Variants in REEP3 observed in about 807,000 individuals in gnomAD.
REEP3 encodes the protein receptor accessory protein 3, also known as receptor expression-enhancing protein 3.
In REEP3, 20 loss-of-function variants were observed where a neutral mutation model predicts 41.3. That is an observed-to-expected ratio of 0.48 (90% confidence interval 0.34 to 0.70). The LOEUF (loss-of-function observed/expected upper bound fraction) is 0.70, where lower values mean the gene tolerates loss of function less well. REEP3 is among the 30% of genes least tolerant of loss of function. REEP3 has a pLI of 0.01. For missense variants in REEP3, 271 were observed against 308.8 expected (o/e 0.88, Z 0.92); for synonymous variants, 104 against 101.8 (o/e 1.02, Z -0.13).
chr10:63,570,354 C>T lies in REEP3; in HGVS notation c.105+3944C>T, dbSNP rs376645560. Among the ~76,000 whole-genome samples, 22 of 152,310 alleles carry T rather than the reference C, an allele frequency of 1.4e-4. No individual in the cohort carries two copies. In the East Asian group the frequency reaches 3.9e-3, roughly 27 times the overall value. ...AGTTACATAGTGAGCATACATACAG[C>T]TTTGCACAGTTGTTTTCAGAGAATA... On this transcript the variant is annotated intron_variant, in intron 2 of 7. Transcript: ENST00000373758.
At chr10:63,568,899 G>C (rs752299160) in intron 2 of REEP3, among the ~76,000 whole-genome samples, 7 of 151,966 alleles carry the variant, frequency 4.6e-5, no homozygotes, top group Non-Finnish European at 1.0e-4. Context: ...CTGGCCTCAG[G>C]TTATCCACCT....
chr10:63,522,673 G>A (rs1452340373), intron 1 of REEP3, among the ~76,000 whole-genome samples: 2 of 152,166 alleles, frequency 1.3e-5, no homozygotes, highest in Admixed American at 1.3e-4. Flanking sequence ...GTTAAAAGGA[G>A]CTAGATTTTC....
chr10:63,530,192 A>T (rs1955407266), intron 1 of REEP3, among the ~76,000 whole-genome samples: 1 of 152,196 alleles, frequency 6.6e-6, no homozygotes, highest in Non-Finnish European at 1.5e-5. Context: ...CTCATTTTTA[A>T]ATCCTTATGG....
At chr10:63,534,103 T>TA (rs981692509) in intron 1 of REEP3, among the ~76,000 whole-genome samples, 41 of 152,070 alleles carry the variant, frequency 2.7e-4, no homozygotes, top group Admixed American at 1.1e-3. Flanking sequence ...AGAGATATTC[T>TA]AAAAAAAACC....
chr10:63,549,071 C>T (rs1955604235), intron 1 of REEP3, among the ~76,000 whole-genome samples: 1 of 152,046 alleles, frequency 6.6e-6, no homozygotes, highest in Non-Finnish European at 1.5e-5. Flanking sequence ...ACTAAAGCCA[C>T]CTTTCACCTA....
At position 63,521,627 on chromosome 10, in the gene REEP3, T is replaced by C. The variant is rs1160871937; in HGVS notation, c.32+50T>C. 6.8e-6 allele frequency: 9 copies of C among 1,332,280 alleles called. No individual in the cohort carries two copies. The East Asian group carries it at 2.6e-4, about 38-fold the overall frequency. The allele number at this position is 1,332,280 out of a possible 1,614,324, so 82.5% of individuals were successfully genotyped here. On this transcript the variant is annotated intron_variant, in intron 1 of 7. Transcript: ENST00000373758. ...CAGCCGGCGCGAGGCCCAGGGGAGC[T>C]GTGGGAAGGGGAAGGAGCCGAGAGG...
chr10:63,537,599 A>G (rs1460533509), intron 1 of REEP3, among the ~76,000 whole-genome samples: 5 of 152,218 alleles, frequency 3.3e-5, no homozygotes, highest in Non-Finnish European at 7.3e-5. Flanking sequence ...GCAGTGAGTC[A>G]GGACCAAGAT....
intron 1 of REEP3, among the ~76,000 whole-genome samples, chr10:63,529,479 A>G (rs1028751388): frequency 2.6e-5 from 4 of 152,056 alleles, no homozygotes; most frequent in Non-Finnish European, 4.4e-5. Flanking sequence ...TATTTTAGAG[A>G]CAGGGTTTCA....
chr10:63,624,068 C>T lies in REEP3; in HGVS notation c.*3199C>T, dbSNP rs865940272. On this transcript the variant is annotated 3_prime_UTR_variant, in exon 8 of 8. Coordinates refer to ENST00000373758, the MANE Select transcript of REEP3 (RefSeq NM_001001330.3). The stretch of plus-strand genomic sequence containing the variant: ...TTAAGAAATATATAATGATATCTTA[C>T]ATTAAGCATGAGTCTAATTTGTATT... The T allele has an allele frequency of 2.6e-5, 4 of 151,854 alleles. No individual in the cohort carries two copies. The highest frequency in any genetic ancestry group is 7.3e-5 in the African/African-American group (3 of 41,346). The allele number at this position is 151,854 out of a possible 1,614,324, so 9.4% of individuals were successfully genotyped here.
chr10:63,574,675 G>A (rs1410022808), intron 2 of REEP3, among the ~76,000 whole-genome samples: 5 of 151,886 alleles, frequency 3.3e-5, no homozygotes, highest in African/African-American at 1.2e-4. Context: ...TTTCATTTGT[G>A]TGGTGTTCTC....
chr10:63,611,399 A>G (rs1276186082), intron 6 of REEP3, among the ~76,000 whole-genome samples: 1 of 152,232 alleles, frequency 6.6e-6, no homozygotes, highest in African/African-American at 2.4e-5. Context: ...ATGTGTTAAA[A>G]TTACATATTC....
chr10:63,537,138 G>A lies in REEP3; in HGVS notation c.32+15561G>A, dbSNP rs577767494. Among the ~76,000 whole-genome samples, 23 of 152,286 alleles carry A rather than the reference G, an allele frequency of 1.5e-4. No homozygotes were observed. In the South Asian group the frequency reaches 3.1e-3, roughly 21 times the overall value. The stretch of plus-strand genomic sequence containing the variant: ...ACAGAAGAATTGGTAAGTAAACATT[G>A]GTTTATGTACAAAATGGAATATTAT... On this transcript the variant is annotated intron_variant, in intron 1 of 7. Coordinates refer to ENST00000373758, the MANE Select transcript of REEP3 (RefSeq NM_001001330.3).
rs1564494952 is a variant in REEP3, at chr10:63,623,007, C to T, written c.*2138C>T. 6.6e-6 allele frequency: 1 copy of T among 152,184 alleles called. No individual in the cohort carries two copies. The highest frequency in any genetic ancestry group is 2.4e-5 in the African/African-American group (1 of 41,438). 9.4% of individuals were successfully genotyped at this position (152,184 alleles called of 1,614,324 possible). On this transcript the variant is annotated 3_prime_UTR_variant, in exon 8 of 8. Coordinates refer to ENST00000373758, the MANE Select transcript of REEP3 (RefSeq NM_001001330.3). ...GGCGTGAGCCACCGCACCCAGCCACCATTTTATCTCTCTAAAGTCTGGTCC... is the reference window on the plus strand; with the variant it reads ...GGCGTGAGCCACCGCACCCAGCCACTATTTTATCTCTCTAAAGTCTGGTCC...
rs913454047 is a variant in REEP3, at chr10:63,567,244, A to G, written c.105+834A>G. Among the ~76,000 whole-genome samples, 10 of 152,214 alleles carry G rather than the reference A, an allele frequency of 6.6e-5. No individual in the cohort carries two copies. The East Asian group carries it at 1.9e-3, about 29-fold the overall frequency. On this transcript the variant is annotated intron_variant, in intron 2 of 7. Coordinates refer to ENST00000373758, the MANE Select transcript of REEP3 (RefSeq NM_001001330.3). ...CACATAACATAAAATTATCCATTTC[A>G]GAGGCATTTGATGCATTCACAATAT... is the stretch of plus-strand genomic sequence containing the variant.
chr10:63,605,379 C>T (rs1432102196), intron 5 of REEP3, among the ~76,000 whole-genome samples: 1 of 152,078 alleles, frequency 6.6e-6, no homozygotes, highest in Non-Finnish European at 1.5e-5. Flanking sequence ...TCCCTAAAAA[C>T]TGGGAACTAA....
chr10:63,599,690 A>G (rs1255975191), intron 5 of REEP3: 12 of 985,570 alleles, frequency 1.2e-5, no homozygotes, highest in African/African-American at 1.7e-5. Flanking sequence ...TTACTTCTGC[A>G]CCTCTACTTC....
At chr10:63,609,759 C>T (rs1564492144) in intron 5 of REEP3, among the ~76,000 whole-genome samples, 5 of 151,668 alleles carry the variant, frequency 3.3e-5, no homozygotes, top group Non-Finnish European at 7.4e-5. Context: ...GACTCTGTCT[C>T]TAAATAAATA....
intron 1 of REEP3, among the ~76,000 whole-genome samples, chr10:63,557,339 A>T (rs2133367326): frequency 6.6e-6 from 1 of 152,328 alleles, no homozygotes; most frequent in South Asian, 2.1e-4. Flanking sequence ...AATAATTAGG[A>T]ATAAATATAA....
rs370556344 is a variant in REEP3 at position 63,521,572 on chromosome 10, C to G, written c.27C>G (p.Ala9=). The stretch of plus-strand genomic sequence containing the variant: ...TGGTGTCCTGGATGATCTCCAGAGC[C>G]GTGGTGTAAGTGCCTCTCACTGCGC... MVSWMISR[A]VVLVFGMLYP... The change falls in exon 1 of 8, where the codon GCC becomes GCG. Residue 9 remains alanine, a synonymous_variant. Coordinates refer to ENST00000373758, the MANE Select transcript of REEP3 (RefSeq NM_001001330.3). 1,179 of 1,433,826 alleles carry G rather than the reference C, an allele frequency of 8.2e-4. 2 individuals are homozygous for G. Among genetic ancestry groups the G allele is most frequent in the Non-Finnish European group, 1.0e-3 (1,079 of 1,082,774 alleles). 88.8% of individuals were successfully genotyped at this position (1,433,826 alleles called of 1,614,324 possible). A position where few individuals can be genotyped will look rare whatever the true frequency, so the allele number is the denominator to read the frequency against.
Sources: gnomAD v4.1 joint callset for allele counts (sites outside exome capture counted in the v4.1 genomes callset) on GRCh38, gnomAD v4.1.1 for gene constraint, MANE v1.5 for transcripts, NCBI Gene and HGNC (gene_info 2026-07-23, HGNC 2026-07-21) for gene names.